Variants in POLR2F observed in about 807,000 individuals in gnomAD.
POLR2F encodes DNA-directed RNA polymerases I, II, and III subunit RPABC2.
A neutral mutation model predicts 22.7 loss-of-function variants in POLR2F; 12 were observed. The observed-to-expected ratio is 0.53, with a 90% CI of 0.34 to 0.86. The LOEUF (loss-of-function observed/expected upper bound fraction) is 0.86, where lower values mean the gene tolerates loss of function less well. Ranked by LOEUF, POLR2F falls within the 40% of genes least tolerant of loss-of-function variation. The pLI, the probability that POLR2F is intolerant of heterozygous loss-of-function variation, is 0.02. For synonymous variants in POLR2F, 57 were observed against 66.0 expected (o/e 0.86, Z 0.66); for missense variants, 126 against 171.5 (o/e 0.73, Z 1.48).
At chr22:38,010,298 G>A (rs900096882) in intron 1 of POLR2F, among the ~76,000 whole-genome samples, 1 of 151,866 alleles carries the variant, frequency 6.6e-6, no homozygotes, top group Non-Finnish European at 1.5e-5. Context: ...TTGATTGAAC[G>A]CAGGAGTTTG....
intron 1 of POLR2F, among the ~76,000 whole-genome samples, chr22:38,003,982 G>A (rs2145802339): frequency 6.6e-6 from 1 of 152,146 alleles, no homozygotes; most frequent in East Asian, 1.9e-4. Flanking sequence ...AGACCCACTA[G>A]GAGATTAGGA....
In POLR2F at chr22:37,953,782, G is replaced by A. The variant is rs1299692105; in HGVS notation, c.-6G>A. The A allele has an allele frequency of 2.8e-5, 45 of 1,609,182 alleles. No homozygotes were observed. The highest frequency in any genetic ancestry group is 3.6e-5 in the Non-Finnish European group (43 of 1,178,830). ...GGCGCAGCGGGGTCGCTGAGGCGAG[G>A]GTGTCATGTCAGACAACGAGGACAA... On this transcript the variant is annotated 5_prime_UTR_variant, in exon 1 of 5. Coordinates refer to ENST00000442738, the MANE Select transcript of POLR2F (RefSeq NM_021974.5).
In POLR2F at chr22:37,967,834, C is replaced by T; in HGVS notation, c.*119C>T. ...CCCCTCTGCTTATCTGCAATGTCACCACCTGTTGCTTCCCCGTTACCGCCA... is the reference window on the plus strand; with the variant it reads ...CCCCTCTGCTTATCTGCAATGTCACTACCTGTTGCTTCCCCGTTACCGCCA... On this transcript the variant is annotated 3_prime_UTR_variant, in exon 5 of 5. Coordinates refer to ENST00000442738, the MANE Select transcript of POLR2F (RefSeq NM_021974.5). 1 of 1,449,094 alleles carries T rather than the reference C, an allele frequency of 6.9e-7. No individual in the cohort carries two copies. Among genetic ancestry groups the T allele is most frequent in the Non-Finnish European group, 9.1e-7 (1 of 1,104,364 alleles). The allele number at this position is 1,449,094 out of a possible 1,614,324, so 89.8% of individuals were successfully genotyped here. A position where few individuals can be genotyped will look rare whatever the true frequency, so the allele number is the denominator to read the frequency against.
chr22:37,956,797 T>A lies in POLR2F; in HGVS notation c.45T>A (p.Asp15Glu). 6.2e-7 allele frequency: 1 copy of A among 1,613,990 alleles called. No individual in the cohort carries two copies. Among genetic ancestry groups the A allele is most frequent in the Non-Finnish European group, 8.5e-7 (1 of 1,179,868 alleles). ...EDNFDGDDFD[D>E]VEEDEGLDDL... ...GTTTTGATGGCGACGACTTTGATGA[T>A]GTGGAGGAGGATGAAGGGCTAGATG... The change falls in exon 2 of 5, where the codon GAT (aspartate) becomes GAA (glutamate). Residue 15 changes from aspartate (D) to glutamate (E), a missense_variant. Transcript: ENST00000442738.
At chr22:38,033,179 A>G (rs2085082555) in intron 5 of POLR2F, 1 of 153,496 alleles carries the variant, frequency 6.5e-6, no homozygotes, top group African/African-American at 2.4e-5. Flanking sequence ...GAAAGAAAAA[A>G]GAAAATTAAA....
rs1006811218 is a variant in POLR2F at position 38,026,490 on chromosome 22, G to A, written c.*180G>A. Reference sequence around the variant, plus strand: ...GGGCCCTCCCCAGCTGTGCCCATCTGCAACTGTGAGATTCTGAGAGCAGAG... The same window carrying A: ...GGGCCCTCCCCAGCTGTGCCCATCTACAACTGTGAGATTCTGAGAGCAGAG... On this transcript the variant is annotated 3_prime_UTR_variant, in exon 3 of 3. Coordinates refer to the POLR2F transcript ENST00000333418. 8.3e-6 allele frequency: 3 copies of A among 361,374 alleles called. No individual in the cohort carries two copies. The Admixed American group carries it at 1.1e-4, about 13-fold the overall frequency. 22.4% of individuals were successfully genotyped at this position (361,374 alleles called of 1,614,324 possible). A position where few individuals can be genotyped will look rare whatever the true frequency, so the allele number is the denominator to read the frequency against.
intron 1 of POLR2F, among the ~76,000 whole-genome samples, chr22:38,015,470 A>G (rs2084908163): frequency 6.6e-6 from 1 of 152,086 alleles, no homozygotes. Context: ...ACAGGCTGAG[A>G]CCTGTTTTGG....
rs189673409 is a variant in POLR2F at position 38,022,915 on chromosome 22, G to A, written c.121-2954G>A. ...AATCCCAGCTACTCGGGAGGCTGAG[G>A]CAGGGGGATCGCTTGAACCCAGGGT... On this transcript the variant is annotated intron_variant, in intron 1 of 2. Transcript: ENST00000333418. Among the ~76,000 whole-genome samples, 287 of 152,316 alleles carry A rather than the reference G, an allele frequency of 1.9e-3. 2 individuals are homozygous for A. Among genetic ancestry groups the A allele is most frequent in the Middle Eastern group, 3.4e-3 (1 of 294 alleles).
chr22:37,986,130 C>A (rs575193321), upstream of POLR2F: 2 of 1,505,804 alleles, frequency 1.3e-6, no homozygotes, highest in African/African-American at 2.8e-5. This position sits in a 1 kb window ranked among gnomAD's most constrained non-coding sequence, Gnocchi z 4.7. Context: ...TTAACACACA[C>A]ACACATAAAA....
chr22:38,037,321 C>T (rs1243034796), intron 5 of POLR2F, among the ~76,000 whole-genome samples: 1 of 152,098 alleles, frequency 6.6e-6, no homozygotes, highest in Non-Finnish European at 1.5e-5. Context: ...TCTTCCAGGC[C>T]AGAGTGCAGT....
chr22:38,009,957 A>G (rs2084856690), intron 1 of POLR2F, among the ~76,000 whole-genome samples: 1 of 152,206 alleles, frequency 6.6e-6, no homozygotes, highest in Admixed American at 6.5e-5. Flanking sequence ...GATTTGGGCT[A>G]TTACAAATAA....
intron 1 of POLR2F, among the ~76,000 whole-genome samples, chr22:38,023,529 G>A (rs1490373775): frequency 6.6e-6 from 1 of 151,872 alleles, no homozygotes; most frequent in Non-Finnish European, 1.5e-5. Flanking sequence ...GTGGCACTAG[G>A]TGCATTCATA....
rs1215682124 is a variant in POLR2F, at chr22:38,016,732, G to A, written c.121-9137G>A. On this transcript the variant is annotated intron_variant, in intron 1 of 2. Transcript: ENST00000333418. This position sits in a 1 kb window ranked among gnomAD's most constrained non-coding sequence, Gnocchi z 4.4. Reference sequence around the variant, plus strand: ...TGGAAAGAGTGCTGGCACGCACCGCGGGGGGAGGGGGCGGGAGGGGGCCGC... The same window carrying A: ...TGGAAAGAGTGCTGGCACGCACCGCAGGGGGAGGGGGCGGGAGGGGGCCGC... Among the ~76,000 whole-genome samples the A allele has an allele frequency of 2.0e-5, 3 of 152,048 alleles. No individual in the cohort carries two copies. Among genetic ancestry groups the A allele is most frequent in the Non-Finnish European group, 4.4e-5 (3 of 67,972 alleles).
intron 1 of POLR2F, among the ~76,000 whole-genome samples, chr22:37,991,638 C>T (rs192173863): frequency 6.6e-6 from 1 of 152,216 alleles, no homozygotes; most frequent in Non-Finnish European, 1.5e-5. Context: ...GACATAGTTG[C>T]CTGAGGTGGA....
downstream of POLR2F, among the ~76,000 whole-genome samples, chr22:37,971,990 C>T (rs1932066597): frequency 6.6e-6 from 1 of 150,968 alleles, no homozygotes; most frequent in Non-Finnish European, 1.5e-5. Flanking sequence ...TGCCAGCTGT[C>T]CTAACACTCT....
At chr22:37,956,123 CT>C (rs1931388627) in intron 1 of POLR2F, among the ~76,000 whole-genome samples, 2 of 148,738 alleles carry the variant, frequency 1.3e-5, no homozygotes, top group Non-Finnish European at 3.0e-5. Context: ...GAGTTTCACT[CT>C]TGTTGCCCAG....
At chr22:37,985,566 G>C (rs933326686), upstream of POLR2F, among the ~76,000 whole-genome samples, 2 of 152,172 alleles carry the variant, frequency 1.3e-5, no homozygotes, top group African/African-American at 4.8e-5. Flanking sequence ...AGGCCGAGGT[G>C]GGGTGTATGT....
chr22:38,017,198 G>A lies in POLR2F; in HGVS notation c.121-8671G>A, dbSNP rs1179662065. ...TGGGTGCCTAAAGCCTGCAAAACTGGTGTGCTGGGGAAGAAAGGCTCCTCT... is the reference window on the plus strand; with the variant it reads ...TGGGTGCCTAAAGCCTGCAAAACTGATGTGCTGGGGAAGAAAGGCTCCTCT... On this transcript the variant is annotated intron_variant, in intron 1 of 2. Transcript: ENST00000333418. This position sits in a 1 kb window ranked among gnomAD's most constrained non-coding sequence, Gnocchi z 4.1. 1.3e-5 allele frequency among the ~76,000 whole-genome samples: 2 copies of A among 152,240 alleles called. No individual in the cohort carries two copies. Among genetic ancestry groups the A allele is most frequent in the Non-Finnish European group, 2.9e-5 (2 of 68,040 alleles).
Position 38,025,058 on chromosome 22 carries a change from C to G in POLR2F, c.121-811C>G, listed in dbSNP as rs959372599. ...CAGGTTTCTCCTTTCTTGGCGTTTC[C>G]GGGCCTCTTGGAGGTCCCTTCTGTC... On this transcript the variant is annotated intron_variant, in intron 1 of 2. Coordinates refer to the POLR2F transcript ENST00000333418. 2.0e-5 allele frequency among the ~76,000 whole-genome samples: 3 copies of G among 152,106 alleles called. 1 individual carries two copies. The South Asian group carries it at 6.2e-4, about 32-fold the overall frequency.
Sources: allele counts gnomAD v4.1 joint callset (sites outside exome capture counted in the v4.1 genomes callset), GRCh38; gene constraint gnomAD v4.1.1; non-coding constraint Gnocchi (gnomAD v3.1); transcripts MANE v1.5; gene names NCBI Gene and HGNC (gene_info 2026-07-23, HGNC 2026-07-21).